Variants in BAZ1A observed in about 807,000 individuals in gnomAD.
BAZ1A encodes the protein bromodomain adjacent to zinc finger domain 1A.
Under a neutral mutation model 185.2 loss-of-function variants are expected in BAZ1A, and 50 were observed. The observed-to-expected ratio is 0.27, with a 90% CI of 0.22 to 0.34. The LOEUF (loss-of-function observed/expected upper bound fraction) is 0.34, where lower values mean the gene tolerates loss of function less well. Ranked by LOEUF, BAZ1A falls within the 10% of genes least tolerant of loss-of-function variation. BAZ1A has a pLI of 1.00. For synonymous variants in BAZ1A, 571 were observed against 615.6 expected (o/e 0.93, Z 1.07); for missense variants, 1,356 against 1,839.9 (o/e 0.74, Z 4.81).
intron 3 of BAZ1A, among the ~76,000 whole-genome samples, chr14:34,833,156 C>T (rs1046551076): frequency 2.0e-5 from 3 of 152,060 alleles, no homozygotes; most frequent in African/African-American, 4.8e-5. Flanking sequence ...GTGGGAAGAT[C>T]GCTTGAGCCT....
At chr14:34,769,781 T>C (rs1201004796) in intron 21 of BAZ1A, among the ~76,000 whole-genome samples, 2 of 152,224 alleles carry the variant, frequency 1.3e-5, no homozygotes, top group Admixed American at 1.3e-4. Flanking sequence ...AATTTTAATT[T>C]AGCTAATTGT....
intron 12 of BAZ1A, among the ~76,000 whole-genome samples, chr14:34,790,151 A>G (rs1880746160): frequency 6.6e-6 from 1 of 151,220 alleles, no homozygotes; most frequent in African/African-American, 2.4e-5. Flanking sequence ...CCTCCCTAAC[A>G]TTTAAATAAA....
chr14:34,786,538 T>C (rs1039542025), intron 12 of BAZ1A: 120 of 197,060 alleles, frequency 6.1e-4, no homozygotes, highest in African/African-American at 2.7e-3. Flanking sequence ...CCTCACTCAA[T>C]ATAACCTTAG....
chr14:34,798,508 C>T (rs576191574), intron 9 of BAZ1A, among the ~76,000 whole-genome samples: 4 of 152,348 alleles, frequency 2.6e-5, no homozygotes, highest in Admixed American at 6.5e-5. Context: ...ATGTGCTGTT[C>T]TGCAATATTT....
intron 3 of BAZ1A, among the ~76,000 whole-genome samples, chr14:34,828,293 CAAAAAAAAA>C (rs369878009): frequency 1.2e-5 from 1 of 83,558 alleles, no homozygotes; most frequent in African/African-American, 4.9e-5. Context: ...AACTCCGTCT[CAAAAAAAAA>C]AAAAAAAAAA....
chr14:34,768,811 AT>A (rs776722139), intron 21 of BAZ1A: 254 of 387,122 alleles, frequency 6.6e-4, no homozygotes, highest in African/African-American at 4.1e-3. Flanking sequence ...TTAGTTGAAG[AT>A]TTTTTTTTCA....
Position 34,863,152 on chromosome 14 carries a change from C to CTTT in BAZ1A, c.114-833_114-831dup, listed in dbSNP as rs71121233. Among the ~76,000 whole-genome samples, 50 of 44,698 alleles carry CTTT rather than the reference C, an allele frequency of 1.1e-3. 7 individuals carry two copies. The highest frequency in any genetic ancestry group is 3.0e-3 in the African/African-American group (44 of 14,888). The allele number at this position is 44,698 out of a possible 152,430, so 29.3% of individuals were successfully genotyped here. On this transcript the variant is annotated intron_variant, in intron 2 of 26. Coordinates refer to ENST00000360310, the MANE Select transcript of BAZ1A (RefSeq NM_013448.3). The stretch of plus-strand genomic sequence containing the variant: ...TACAGGTGCCCGCCACCACGCTCGG[C>CTTT]TTTTTTTTTTTTTTTTTTTTTTTTT...
At chr14:34,816,100 T>TC (rs2042002915) in intron 4 of BAZ1A, among the ~76,000 whole-genome samples, 1 of 144,822 alleles carries the variant, frequency 6.9e-6, no homozygotes, top group Non-Finnish European at 1.5e-5. Context: ...TTTTTTTTTT[T>TC]TTTTTGAGAT....
chr14:34,841,274 T>G (rs1165551701), intron 3 of BAZ1A, among the ~76,000 whole-genome samples: 1 of 152,212 alleles, frequency 6.6e-6, no homozygotes, highest in East Asian at 1.9e-4. Flanking sequence ...CATCAGCCCA[T>G]TCTGATTGCC....
At chr14:34,847,027 T>A (rs2042524388) in intron 3 of BAZ1A, among the ~76,000 whole-genome samples, 1 of 152,056 alleles carries the variant, frequency 6.6e-6, no homozygotes, top group Admixed American at 6.6e-5. Context: ...GAAGTGGGTG[T>A]ATCACCTGAG....
At chr14:34,758,359 A>G (rs1886361934) in intron 25 of BAZ1A, among the ~76,000 whole-genome samples, 1 of 151,888 alleles carries the variant, frequency 6.6e-6, no homozygotes, top group African/African-American at 2.4e-5. Flanking sequence ...AGGTGGGCAG[A>G]TCACAAGGTC....
intron 24 of BAZ1A, among the ~76,000 whole-genome samples, chr14:34,759,184 T>TTTTTTTTTGTTTTTG (rs1886409806): frequency 2.8e-5 from 3 of 108,028 alleles, no homozygotes; most frequent in African/African-American, 1.2e-4. Context: ...TTTTTTTTTT[T>TTTTTTTTTGTTTTTG]TTTTTTTTTT....
intron 12 of BAZ1A, among the ~76,000 whole-genome samples, chr14:34,790,909 G>A (rs960854432): frequency 2.0e-5 from 3 of 152,140 alleles, no homozygotes; most frequent in African/African-American, 7.2e-5. Flanking sequence ...CAGACCCTGA[G>A]GTCGGGAGTT....
Position 34,780,285 on chromosome 14 carries a change from T to C in BAZ1A, c.2137A>G (p.Thr713Ala). 1 of 1,612,310 alleles carries C rather than the reference T, an allele frequency of 6.2e-7. No individual in the cohort carries two copies. Among genetic ancestry groups the C allele is most frequent in the African/African-American group, 1.3e-5 (1 of 74,984 alleles). The part of the protein sequence containing the change: ...IGEEEREDFD[T>A]SIESKDTEQK... ...TCTGTGTCTTTGCTCTCAATGCTAG[T>C]ATCAAAATCTTCCCTTTCTTCCTCC... is the stretch of plus-strand genomic sequence containing the variant. Residue 713 changes from threonine to alanine, a missense_variant, in exon 17 of 27, where the codon ACT becomes GCT. Around this residue, in one of 7 missense-constraint regions of BAZ1A, gnomAD observed 434 missense variants for 561.7 expected, o/e 0.77. Coordinates refer to ENST00000360310, the MANE Select transcript of BAZ1A (RefSeq NM_013448.3).
At position 34,834,810 on chromosome 14, in the gene BAZ1A, G is replaced by T. The variant is rs78372281; in HGVS notation, c.393-8654C>A. 4.6e-4 allele frequency among the ~76,000 whole-genome samples: 70 copies of T among 152,246 alleles called. 1 individual carries two copies. The East Asian group carries it at 0.012, about 25-fold the overall frequency. ...AGGGAGTTCAAAGAAGTTTACAGGG[G>T]TGTATGTAAAAAAACAGAGAATCAT... is the stretch of plus-strand genomic sequence containing the variant. On this transcript the variant is annotated intron_variant, in intron 3 of 26. Coordinates refer to ENST00000360310, the MANE Select transcript of BAZ1A (RefSeq NM_013448.3).
intron 4 of BAZ1A, among the ~76,000 whole-genome samples, chr14:34,813,552 T>C (rs1341802252): frequency 3.3e-5 from 5 of 151,794 alleles, no homozygotes; most frequent in African/African-American, 1.2e-4. Context: ...GGTGTGGTGG[T>C]GAGTGCCCGT....
intron 25 of BAZ1A, among the ~76,000 whole-genome samples, chr14:34,757,948 T>C (rs942896737): frequency 1.4e-4 from 21 of 150,870 alleles, no homozygotes; most frequent in South Asian, 1.1e-3. Context: ...GGGGTTTCAC[T>C]GTGTTAGCCA....
intron 3 of BAZ1A, among the ~76,000 whole-genome samples, chr14:34,842,966 G>A (rs560246611): frequency 4.0e-5 from 6 of 150,258 alleles, no homozygotes; most frequent in African/African-American, 1.2e-4. Flanking sequence ...TTGAATTTAC[G>A]GGAAAAAAAA....
At chr14:34,839,962 C>T (rs2138754461) in intron 3 of BAZ1A, among the ~76,000 whole-genome samples, 1 of 151,378 alleles carries the variant, frequency 6.6e-6, no homozygotes, top group African/African-American at 2.4e-5. Context: ...TGAATTTTAG[C>T]TTAGGCAAAT....
Sources: allele counts gnomAD v4.1 joint callset (sites outside exome capture counted in the v4.1 genomes callset), GRCh38; gene constraint gnomAD v4.1.1; regional missense constraint gnomAD v4.1.1; transcripts MANE v1.5; gene names NCBI Gene and HGNC (gene_info 2026-07-23, HGNC 2026-07-21).